CPEB4: variants seen among roughly 807,000 people sequenced by gnomAD.
CPEB4 encodes the protein cytoplasmic polyadenylation element binding protein 4.
Under a neutral mutation model 72.5 loss-of-function variants are expected in CPEB4, and 12 were observed. That is an observed-to-expected ratio of 0.17 (90% CI 0.11 to 0.27). The LOEUF (loss-of-function observed/expected upper bound fraction) is 0.27. Ranked by LOEUF, CPEB4 falls within the 10% of genes least tolerant of loss-of-function variation. The pLI is 1.00. For missense variants in CPEB4, 614 were observed against 908.5 expected (o/e 0.68, Z 4.17); for synonymous variants, 302 against 326.3 (o/e 0.93, Z 0.80).
rs1756179473 is a variant in CPEB4, at chr5:173,900,274, G to A, written c.1125+9416G>A. On this transcript the variant is annotated intron_variant, in intron 1 of 9. Coordinates refer to ENST00000265085, the MANE Select transcript of CPEB4 (RefSeq NM_030627.4). This position sits in a 1 kb window ranked among gnomAD's most constrained non-coding sequence, Gnocchi z 4.4. ...TACAAAATTAGCCTGGTGTGGTGGCGGGCGCCTGTAGTCCCAGCTATTCTG... is the reference window on the plus strand; with the variant it reads ...TACAAAATTAGCCTGGTGTGGTGGCAGGCGCCTGTAGTCCCAGCTATTCTG... 2.0e-5 allele frequency among the ~76,000 whole-genome samples: 3 copies of A among 151,978 alleles called. No individual in the cohort carries two copies. The highest frequency in any genetic ancestry group is 2.1e-4 in the South Asian group (1 of 4,824).
At chr5:173,912,839 C>A (rs35690902) in intron 2 of CPEB4, among the ~76,000 whole-genome samples, 22,717 of 145,940 alleles carry the variant, frequency 0.16, 1,965 homozygotes, top group South Asian at 0.31. Context: ...TTACATGGGA[C>A]GCTGAGGCAG....
chr5:173,929,697 C>T (rs1181425177), intron 2 of CPEB4, among the ~76,000 whole-genome samples: 1 of 151,900 alleles, frequency 6.6e-6, no homozygotes, highest in Non-Finnish European at 1.5e-5. Flanking sequence ...GACCCTGTCT[C>T]AAAAATTAAA....
At chr5:173,922,884 G>T (rs1757121401) in intron 2 of CPEB4, among the ~76,000 whole-genome samples, 1 of 152,214 alleles carries the variant, frequency 6.6e-6, no homozygotes, top group African/African-American at 2.4e-5. Context: ...TATGGTTGTT[G>T]GGATATATCA....
intron 2 of CPEB4, among the ~76,000 whole-genome samples, chr5:173,915,811 A>G (rs1332855600): frequency 6.6e-6 from 1 of 152,270 alleles, no homozygotes. Flanking sequence ...GAAATAGATT[A>G]AAACCACATG....
At chr5:173,911,698 T>G (rs1756668692) in intron 2 of CPEB4, among the ~76,000 whole-genome samples, 1 of 151,370 alleles carries the variant, frequency 6.6e-6, no homozygotes, top group African/African-American at 2.4e-5. Flanking sequence ...TTTTTTTTTT[T>G]TTTTTTAAGA....
chr5:173,946,708 A>T (rs1758026108), intron 5 of CPEB4, among the ~76,000 whole-genome samples: 1 of 152,128 alleles, frequency 6.6e-6, no homozygotes. Context: ...TTGTACCTGT[A>T]CGTCAGACAA....
intron 1 of CPEB4, among the ~76,000 whole-genome samples, chr5:173,907,973 C>T (rs1448811327): frequency 6.6e-6 from 1 of 152,172 alleles, no homozygotes; most frequent in African/African-American, 2.4e-5. Context: ...AGTGAACAGA[C>T]ACCAGGAATT....
intron 1 of CPEB4, among the ~76,000 whole-genome samples, chr5:173,906,722 C>G (rs1756448767): frequency 6.6e-6 from 1 of 152,016 alleles, no homozygotes; most frequent in East Asian, 1.9e-4. Context: ...TAAACTGTAA[C>G]AAATTATAGG....
At chr5:173,954,165 T>C (rs181071592) in intron 9 of CPEB4, among the ~76,000 whole-genome samples, 1 of 152,332 alleles carries the variant, frequency 6.6e-6, no homozygotes, top group African/African-American at 2.4e-5. Flanking sequence ...AGATTGATTT[T>C]ATCGTGTTGT....
intron 2 of CPEB4, among the ~76,000 whole-genome samples, chr5:173,931,065 GATTA>G (rs1757430862): frequency 6.6e-6 from 1 of 151,990 alleles, no homozygotes; most frequent in African/African-American, 2.4e-5. Flanking sequence ...TTTGGATATG[GATTA>G]ATTAAAGCTG....
At chr5:173,927,638 G>A (rs775303883) in intron 2 of CPEB4, among the ~76,000 whole-genome samples, 1 of 152,012 alleles carries the variant, frequency 6.6e-6, no homozygotes, top group Non-Finnish European at 1.5e-5. Context: ...TTATCTGTGT[G>A]TGGTGGTGCT....
chr5:173,909,594 A>G (rs1158320753), intron 1 of CPEB4, among the ~76,000 whole-genome samples: 1 of 152,094 alleles, frequency 6.6e-6, no homozygotes, highest in African/African-American at 2.4e-5. Flanking sequence ...TATATAGATT[A>G]TTAGTTTTAA....
At chr5:173,954,010 A>AT (rs776590967) in intron 9 of CPEB4, among the ~76,000 whole-genome samples, 13 of 151,286 alleles carry the variant, frequency 8.6e-5, no homozygotes, top group African/African-American at 2.2e-4. Flanking sequence ...CCAGCTGGCG[A>AT]TTTTTTTTTC....
intron 4 of CPEB4, among the ~76,000 whole-genome samples, chr5:173,944,110 G>A (rs1334790638): frequency 6.6e-6 from 1 of 152,112 alleles, no homozygotes; most frequent in African/African-American, 2.4e-5. Context: ...TTTTCAAACA[G>A]CAAATTTAAT....
rs115841523 is a variant in CPEB4 at position 173,922,181 on chromosome 5, C to T, written c.1208-10269C>T. On this transcript the variant is annotated intron_variant, in intron 2 of 9. Transcript: ENST00000265085. Reference sequence around the variant, plus strand: ...CATAAGAAAATGGAAACATTTTTGTCTAGTATGCTTTGACAGAGGGTAGGC... The same window carrying T: ...CATAAGAAAATGGAAACATTTTTGTTTAGTATGCTTTGACAGAGGGTAGGC... 7.6e-3 allele frequency among the ~76,000 whole-genome samples: 1,157 copies of T among 152,220 alleles called. 17 individuals carry two copies. Among genetic ancestry groups the T allele is most frequent in the African/African-American group, 0.027 (1,115 of 41,538 alleles).
chr5:173,947,545 C>T (rs1758068448), intron 5 of CPEB4, among the ~76,000 whole-genome samples: 1 of 152,042 alleles, frequency 6.6e-6, no homozygotes, highest in Admixed American at 6.5e-5. Flanking sequence ...AATGTCTTTA[C>T]AGGTATTGGG....
intron 2 of CPEB4, among the ~76,000 whole-genome samples, chr5:173,912,432 A>G (rs1272479123): frequency 2.0e-5 from 3 of 152,162 alleles, no homozygotes; most frequent in Non-Finnish European, 2.9e-5. Context: ...TAAAGGGTAC[A>G]TGAGGCTTTC....
At chr5:173,954,565 G>T (rs1758317764) in intron 9 of CPEB4, among the ~76,000 whole-genome samples, 1 of 152,084 alleles carries the variant, frequency 6.6e-6, no homozygotes, top group Non-Finnish European at 1.5e-5. Context: ...TGGAGACAGG[G>T]TTTCACCGTG....
Position 173,943,040 on chromosome 5 carries a change from C to T in CPEB4, c.1273C>T (p.Arg425Ter). 2 of 1,610,352 alleles carry T rather than the reference C, an allele frequency of 1.2e-6. No homozygotes were observed. The highest frequency in any genetic ancestry group is 1.7e-6 in the Non-Finnish European group (2 of 1,178,404). The change falls in exon 4 of 10, where the codon CGA becomes TGA. Residue 425 changes from arginine to a stop codon, truncating the protein, a stop_gained. Transcript: ENST00000265085. LOFTEE classifies it high-confidence loss of function. ...TTGACATGCAGCAAGGACATATGGG[C>T]GAAGGAGAGGTAACATTGTTTTTAA... Reference protein sequence around the residue: ...SLLINARTYGRRRGQSSLFPM... With the variant: ...SLLINARTYG
Sources: allele counts gnomAD v4.1 joint callset (sites outside exome capture counted in the v4.1 genomes callset), GRCh38; gene constraint gnomAD v4.1.1; non-coding constraint Gnocchi (gnomAD v3.1); transcripts MANE v1.5; gene names NCBI Gene and HGNC (gene_info 2026-07-23, HGNC 2026-07-21).